The following TCF20 variants were observed in gnomAD, a reference collection of about 807,000 sequenced individuals.
TCF20 encodes transcription factor 20.
Under a neutral mutation model 148.6 loss-of-function variants are expected in TCF20, and 3 were observed. That is an observed-to-expected ratio of 0.02 (90% CI 0.01 to 0.05). The LOEUF is 0.05. Among genes scored for constraint, TCF20 ranks in the 10% least tolerant of loss-of-function variants. The pLI, the probability that TCF20 is intolerant of heterozygous loss-of-function variation, is 1.00. For missense variants in TCF20, 2,350 were observed against 2,429.3 expected, an observed-to-expected ratio of 0.97 and a Z score of 0.69; for synonymous variants, 1,049 against 909.5, an observed-to-expected ratio of 1.15 and a Z score of -2.76.
At chr22:42,237,582 A>G (rs1923999654) in intron 1 of TCF20, among the ~76,000 whole-genome samples, 1 of 152,194 alleles carries the variant, frequency 6.6e-6, no homozygotes, top group Non-Finnish European at 1.5e-5. Context: ...AAAGGTTTTC[A>G]ATTCACTCTG....
intron 1 of TCF20, among the ~76,000 whole-genome samples, chr22:42,303,086 C>T (rs531846790): frequency 5.9e-5 from 9 of 152,186 alleles, no homozygotes; most frequent in Admixed American, 2.6e-4. Flanking sequence ...CCCAACACAA[C>T]GCTCGGATAA....
intron 1 of TCF20, among the ~76,000 whole-genome samples, chr22:42,328,635 T>C (rs1005485057): frequency 5.3e-5 from 8 of 152,238 alleles, no homozygotes; most frequent in African/African-American, 1.9e-4. Flanking sequence ...GCAAGTCACT[T>C]AACCTCTCTG....
rs368252490 is a variant in TCF20 at position 42,160,878 on chromosome 22, CCA to C, written c.*523_*524del. ...GTGTGAGACAGGCTAAAGATCAACG[CCA>C]CACACACACCCCGTCCTTCATGAGA... On this transcript the variant is annotated 3_prime_UTR_variant, in exon 6 of 6. Transcript: ENST00000677622. The C allele has an allele frequency of 1.3e-5, 2 of 153,216 alleles. No individual in the cohort carries two copies. The highest frequency in any genetic ancestry group is 2.9e-5 in the Non-Finnish European group (2 of 68,870). 9.5% of individuals were successfully genotyped at this position (153,216 alleles called of 1,614,324 possible).
At chr22:42,323,926 ATGG>A (rs1312568607) in intron 1 of TCF20, among the ~76,000 whole-genome samples, 5 of 9,606 alleles carry the variant, frequency 5.2e-4, no homozygotes, top group Non-Finnish European at 8.1e-4. Flanking sequence ...GATGGAGGTT[ATGG>A]TGGTGGTGGT....
At position 42,210,878 on chromosome 22, in the gene TCF20, T is replaced by C; in HGVS notation, c.4428A>G (p.Gln1476=). 2 of 1,614,206 alleles carry C rather than the reference T, an allele frequency of 1.2e-6. No homozygotes were observed. Among genetic ancestry groups the C allele is most frequent in the Non-Finnish European group, 8.5e-7 (1 of 1,180,044 alleles). Reference sequence around the variant, plus strand: ...CACCCAGGGAACCATCTGGTCTCCCTTGGTTACTACCAGGCTTCTGTGAGG... The same window carrying C: ...CACCCAGGGAACCATCTGGTCTCCCCTGGTTACTACCAGGCTTCTGTGAGG... ...STTSQKPGSN[Q]GRPDGSLGGT... Residue 1476 remains glutamine (Q), a synonymous_variant, in exon 2 of 6, where the codon CAA becomes CAG. Coordinates refer to ENST00000677622, the MANE Select transcript of TCF20 (RefSeq NM_001378418.1). This position sits in a 1 kb window ranked among gnomAD's most constrained non-coding sequence, Gnocchi z 4.7.
chr22:42,172,125 GACA>G (rs559440848), intron 3 of TCF20, among the ~76,000 whole-genome samples: 160 of 152,342 alleles, frequency 1.1e-3, no homozygotes, highest in African/African-American at 3.5e-3. Flanking sequence ...GTCCATCTCT[GACA>G]AGGCCTCCCA....
At chr22:42,257,033 G>A (rs962589783) in intron 1 of TCF20, among the ~76,000 whole-genome samples, 5 of 152,156 alleles carry the variant, frequency 3.3e-5, no homozygotes, top group African/African-American at 1.2e-4. Flanking sequence ...GGTGGCATGT[G>A]CCTGTAGTCG....
chr22:42,242,443 T>C (rs1000913072), intron 1 of TCF20, among the ~76,000 whole-genome samples: 1 of 151,950 alleles, frequency 6.6e-6, no homozygotes, highest in African/African-American at 2.4e-5. Flanking sequence ...ATGAACCTGT[T>C]CTGTAAGTAT....
In TCF20 at chr22:42,219,355, C is replaced by CAAAAAAAAAAAAAAAAAAA. The variant is rs528664836; in HGVS notation, c.-36-4033_-36-4015dup. 1.5e-3 allele frequency among the ~76,000 whole-genome samples: 64 copies of CAAAAAAAAAAAAAAAAAAA among 43,546 alleles called. 4 individuals carry two copies. The highest frequency in any genetic ancestry group is 1.9e-3 in the Admixed American group (6 of 3,154). 28.6% of individuals were successfully genotyped at this position (43,546 alleles called of 152,430 possible). A position where few individuals can be genotyped will look rare whatever the true frequency, so the allele number is the denominator to read the frequency against. ...ACCCTGGGTGACAGTAACCCTGTCT[C>CAAAAAAAAAAAAAAAAAAA]AAAAAAAAAAAAAAAAAAAAAAAAA... is the stretch of plus-strand genomic sequence containing the variant. On this transcript the variant is annotated intron_variant, in intron 1 of 5. Transcript: ENST00000677622.
chr22:42,168,767 C>A (rs1935947360), intron 4 of TCF20, 31 bp from the exon 5 acceptor site: 8 of 1,591,394 alleles, frequency 5.0e-6, no homozygotes, highest in Non-Finnish European at 6.0e-6. Context: ...AGGAGACAGA[C>A]AGGTGGGAGA....
chr22:42,173,147 A>G (rs1165529692), intron 3 of TCF20, among the ~76,000 whole-genome samples: 1 of 151,614 alleles, frequency 6.6e-6, no homozygotes, highest in Non-Finnish European at 1.5e-5. Flanking sequence ...AACCCTCCAC[A>G]CAAGGTTCTT....
intron 1 of TCF20, among the ~76,000 whole-genome samples, chr22:42,309,085 C>T (rs8142378): frequency 0.053 from 8,021 of 152,106 alleles, 344 homozygotes; most frequent in African/African-American, 0.11. Flanking sequence ...CATGGCCGGC[C>T]GGCCACAGAG....
At chr22:42,177,230 C>A (rs748401650) in intron 3 of TCF20, among the ~76,000 whole-genome samples, 2 of 152,128 alleles carry the variant, frequency 1.3e-5, no homozygotes, top group Non-Finnish European at 2.9e-5. Flanking sequence ...GCCTGGCCAA[C>A]ATGGCAAAAC....
chr22:42,182,711 C>T (rs1295496708), intron 2 of TCF20, among the ~76,000 whole-genome samples: 1 of 152,204 alleles, frequency 6.6e-6, no homozygotes, highest in African/African-American at 2.4e-5. Flanking sequence ...CAGCAACACT[C>T]AGGGACTTGT....
intron 2 of TCF20, among the ~76,000 whole-genome samples, chr22:42,190,924 G>A (rs150891729): frequency 0.018 from 2,773 of 152,264 alleles, 45 homozygotes; most frequent in South Asian, 0.031. Flanking sequence ...GCAGATATCA[G>A]CCACTTGCTG....
At chr22:42,265,320 CTTT>C (rs759720126) in intron 1 of TCF20, among the ~76,000 whole-genome samples, 1 of 152,092 alleles carries the variant, frequency 6.6e-6, no homozygotes, top group Non-Finnish European at 1.5e-5. Context: ...TCTTTTTCTT[CTTT>C]TTTTGGACAG....
At chr22:42,174,774 G>A (rs939078511) in intron 3 of TCF20, among the ~76,000 whole-genome samples, 18 of 151,224 alleles carry the variant, frequency 1.2e-4, no homozygotes, top group Non-Finnish European at 1.9e-4. Flanking sequence ...GGTGGCTCAC[G>A]CCTGTAATCC....
intron 1 of TCF20, among the ~76,000 whole-genome samples, chr22:42,236,445 C>T (rs532089438): frequency 2.0e-5 from 3 of 152,186 alleles, no homozygotes; most frequent in African/African-American, 4.8e-5. Flanking sequence ...GCCGACGGAG[C>T]GCATTCTTAA....
intron 1 of TCF20, among the ~76,000 whole-genome samples, chr22:42,230,278 C>A (rs10427856): frequency 3.7e-4 from 56 of 152,164 alleles, no homozygotes; most frequent in African/African-American, 1.3e-3. Context: ...ACTCCTATTG[C>A]CTGGTGATGC....
Sources: allele counts gnomAD v4.1 joint callset (sites outside exome capture counted in the v4.1 genomes callset), GRCh38; gene constraint gnomAD v4.1.1; non-coding constraint Gnocchi (gnomAD v3.1); transcripts MANE v1.5; gene names NCBI Gene and HGNC (gene_info 2026-07-23, HGNC 2026-07-21).